MAP4K3: variants seen among roughly 807,000 people sequenced by gnomAD.
MAP4K3 encodes MAPK/ERK kinase kinase kinase 3.
MAP4K3 carries 94 observed loss-of-function variants against 143.5 expected under a neutral mutation model. The ratio of observed to expected loss-of-function variants is 0.65; its 90% CI spans 0.55 to 0.78. The LOEUF is 0.78. MAP4K3 is among the 30% of genes least tolerant of loss of function. The probability of loss-of-function intolerance (pLI) is 0.00; values close to 1 mark genes in which losing one functional copy is unlikely to be tolerated. For missense variants in MAP4K3, 1,077 were observed against 1,068.1 expected (o/e 1.01, Z -0.12); for synonymous variants, 416 against 347.2 (o/e 1.20, Z -2.20).
intron 3 of MAP4K3, 47 bp from the exon 4 acceptor site, chr2:39,343,499 GTC>G (rs1665200154): frequency 2.0e-6 from 3 of 1,468,794 alleles, no homozygotes; most frequent in Non-Finnish European, 2.8e-6. Flanking sequence ...GATTAAAACT[GTC>G]TGTGTGAGGT....
intron 1 of MAP4K3, among the ~76,000 whole-genome samples, chr2:39,383,802 T>C: frequency 6.6e-6 from 1 of 151,938 alleles, no homozygotes; most frequent in African/African-American, 2.4e-5. Flanking sequence ...TTTTTGTAAA[T>C]AAAAGTTTTA....
At chr2:39,372,480 A>G (rs1666108603) in intron 2 of MAP4K3, among the ~76,000 whole-genome samples, 1 of 151,628 alleles carries the variant, frequency 6.6e-6, no homozygotes, top group Non-Finnish European at 1.5e-5. Context: ...AAATAGCCAA[A>G]GCTATCCTAA....
Position 39,278,430 on chromosome 2 carries a change from G to T in MAP4K3, c.1771C>A (p.Leu591Ile). The T allele has an allele frequency of 1.3e-6, 2 of 1,592,346 alleles. No homozygotes were observed. The highest frequency in any genetic ancestry group is 1.7e-6 in the Non-Finnish European group (2 of 1,168,708). The change falls in exon 24 of 34, where the codon CTT (leucine) becomes ATT (isoleucine). Residue 591 changes from leucine to isoleucine, a missense_variant. By Grantham distance (5) the Leu-to-Ile change is conservative. Transcript: ENST00000263881. ...ACCTGTTCCATTGATGTTTCATGAA[G>T]TTCATTAAGATTGAGGGTATAAATC... ...EGIYTLNLNELHETSMEQLFP... is the reference protein window; with the variant it reads ...EGIYTLNLNEIHETSMEQLFP...
chr2:39,326,301 A>G, intron 8 of MAP4K3, 24 bp from the exon 9 acceptor site: 1 of 1,609,816 alleles, frequency 6.2e-7, no homozygotes, highest in African/African-American at 1.3e-5. Flanking sequence ...TCCAGAAAAT[A>G]AAAAACTTCT....
rs115833798 is a variant in MAP4K3 at position 39,329,117 on chromosome 2, C to G, written c.530+2800G>C. On this transcript the variant is annotated intron_variant, in intron 8 of 33. Coordinates refer to ENST00000263881, the MANE Select transcript of MAP4K3 (RefSeq NM_003618.4). ...TTCCCAAGATATTTCCCACATTATTCCAAGAGTAATGACATAAATTTTTAA... is the reference window on the plus strand; with the variant it reads ...TTCCCAAGATATTTCCCACATTATTGCAAGAGTAATGACATAAATTTTTAA... Among the ~76,000 whole-genome samples the G allele has an allele frequency of 3.4e-3, 523 of 152,202 alleles. 3 individuals are homozygous for G. Among genetic ancestry groups the G allele is most frequent in the African/African-American group, 0.012 (502 of 41,534 alleles).
At chr2:39,408,639 CA>C (rs139980257) in intron 1 of MAP4K3, among the ~76,000 whole-genome samples, 39 of 135,920 alleles carry the variant, frequency 2.9e-4, no homozygotes, top group Admixed American at 3.7e-4. Flanking sequence ...GCAGATATGG[CA>C]AAAAAAAAAA....
At chr2:39,310,266 TC>T (rs1682896847) in intron 13 of MAP4K3, among the ~76,000 whole-genome samples, 1 of 152,196 alleles carries the variant, frequency 6.6e-6, no homozygotes, top group African/African-American at 2.4e-5. Context: ...TCTTACCCTT[TC>T]CTGCCTCTGG....
rs140668257 is a variant in MAP4K3, at chr2:39,401,662, A to G, written c.97-23539T>C. ...AGAAAATACAAAAAAAAAGCCAGGC[A>G]TGGTGGCCCGTGCCTGTAGTCTCAG... On this transcript the variant is annotated intron_variant, in intron 1 of 33. Coordinates refer to ENST00000263881, the MANE Select transcript of MAP4K3 (RefSeq NM_003618.4). Among the ~76,000 whole-genome samples, 1,068 of 152,150 alleles carry G rather than the reference A, an allele frequency of 7.0e-3. 12 individuals carry two copies. The highest frequency in any genetic ancestry group is 0.025 in the African/African-American group (1,018 of 41,514).
chr2:39,377,758 G>T (rs140419955), intron 2 of MAP4K3, among the ~76,000 whole-genome samples: 1 of 152,258 alleles, frequency 6.6e-6, no homozygotes, highest in African/African-American at 2.4e-5. Context: ...GACACCACAA[G>T]ACGTCAGCCT....
At chr2:39,258,975 T>C (rs769924526) in intron 29 of MAP4K3, among the ~76,000 whole-genome samples, 2 of 151,986 alleles carry the variant, frequency 1.3e-5, no homozygotes, top group Non-Finnish European at 2.9e-5. Flanking sequence ...ATCAACACCA[T>C]CAGCATCACC....
intron 3 of MAP4K3, among the ~76,000 whole-genome samples, chr2:39,344,309 T>C (rs1481801652): frequency 6.6e-6 from 1 of 152,240 alleles, no homozygotes; most frequent in Non-Finnish European, 1.5e-5. Context: ...GCCTGCTGCC[T>C]GATTTTGTAC....
chr2:39,413,777 A>C (rs908651496), intron 1 of MAP4K3, among the ~76,000 whole-genome samples: 3 of 151,782 alleles, frequency 2.0e-5, no homozygotes, highest in African/African-American at 7.3e-5. Flanking sequence ...CAAGATGCCC[A>C]GGCTCCACCT....
intron 2 of MAP4K3, among the ~76,000 whole-genome samples, chr2:39,377,810 G>C (rs1035186038): frequency 1.3e-5 from 2 of 152,168 alleles, no homozygotes; most frequent in African/African-American, 4.8e-5. Flanking sequence ...TAGCTCAACT[G>C]AGTTCAGAAA....
At chr2:39,320,006 T>G (rs72925257) in intron 12 of MAP4K3, among the ~76,000 whole-genome samples, 8,583 of 152,186 alleles carry the variant, frequency 0.056, 805 homozygotes, top group African/African-American at 0.2. Flanking sequence ...TTCTGGCATC[T>G]TCCTATTGGC....
chr2:39,416,894 G>A (rs934809719), intron 1 of MAP4K3, among the ~76,000 whole-genome samples: 3 of 152,066 alleles, frequency 2.0e-5, no homozygotes, highest in African/African-American at 4.8e-5. Context: ...GTGGAGCCTT[G>A]GGAAAAAAAC....
intron 1 of MAP4K3, among the ~76,000 whole-genome samples, chr2:39,395,416 C>G (rs1439449370): frequency 5.3e-5 from 8 of 152,136 alleles, no homozygotes; most frequent in Non-Finnish European, 8.8e-5. Flanking sequence ...AGCTTTTCCA[C>G]TATCTGATAA....
At chr2:39,420,822 T>A (rs960033745) in intron 1 of MAP4K3, among the ~76,000 whole-genome samples, 20 of 152,210 alleles carry the variant, frequency 1.3e-4, no homozygotes, top group Admixed American at 5.2e-4. Context: ...CATTGAAGAA[T>A]TCTTATTCTC....
At chr2:39,407,098 T>A (rs1667117241) in intron 1 of MAP4K3, among the ~76,000 whole-genome samples, 1 of 152,180 alleles carries the variant, frequency 6.6e-6, no homozygotes, top group Non-Finnish European at 1.5e-5. Flanking sequence ...TATAATTCAC[T>A]GTATTAACAG....
At chr2:39,359,624 T>C (rs1665709507) in intron 2 of MAP4K3, among the ~76,000 whole-genome samples, 1 of 152,262 alleles carries the variant, frequency 6.6e-6, no homozygotes, top group Non-Finnish European at 1.5e-5. Context: ...GGCTCCACCC[T>C]TGCAGCAAAC....
Sources: gnomAD v4.1 joint callset for allele counts (sites outside exome capture counted in the v4.1 genomes callset) on GRCh38, gnomAD v4.1.1 for gene constraint, MANE v1.5 for transcripts, NCBI Gene and HGNC (gene_info 2026-07-23, HGNC 2026-07-21) for gene names.